Variants in SORCS1 observed in about 807,000 individuals in gnomAD.
SORCS1 encodes VPS10 domain-containing receptor SorCS1.
SORCS1 carries 60 observed loss-of-function variants against 146.1 expected under a neutral mutation model. The observed-to-expected ratio is 0.41, with a 90% confidence interval of 0.33 to 0.51. SORCS1 has a LOEUF of 0.51. Ranked by LOEUF, SORCS1 falls within the 20% of genes least tolerant of loss-of-function variation. The pLI, the probability that SORCS1 is intolerant of heterozygous loss-of-function variation, is 0.21. For missense variants in SORCS1, 1,352 were observed against 1,487.6 expected (o/e 0.91, Z 1.50); for synonymous variants, 637 against 584.0 (o/e 1.09, Z -1.31).
chr10:106,801,118 A>G (rs1946846066), intron 3 of SORCS1, among the ~76,000 whole-genome samples: 1 of 152,170 alleles, frequency 6.6e-6, no homozygotes, highest in African/African-American at 2.4e-5. Flanking sequence ...GACAAACAAA[A>G]TATTTTCTTA....
chr10:107,100,981 A>T (rs112189595), intron 1 of SORCS1, among the ~76,000 whole-genome samples: 3 of 152,296 alleles, frequency 2.0e-5, no homozygotes, highest in African/African-American at 7.2e-5. Context: ...TATAACTTGG[A>T]ACTCCTGGAC....
At chr10:106,924,949 T>G (rs2138471958) in intron 2 of SORCS1, among the ~76,000 whole-genome samples, 1 of 152,278 alleles carries the variant, frequency 6.6e-6, no homozygotes, top group South Asian at 2.1e-4. Flanking sequence ...GACAATTCTT[T>G]TCCTCACTCA....
chr10:106,808,588 C>T (rs1032902550), intron 3 of SORCS1, among the ~76,000 whole-genome samples: 1 of 152,002 alleles, frequency 6.6e-6, no homozygotes, highest in South Asian at 2.1e-4. Flanking sequence ...CTGCAAGCTC[C>T]GCCTCCCGGG....
At chr10:107,154,351 C>T (rs1351905568) in intron 1 of SORCS1, among the ~76,000 whole-genome samples, 1 of 152,200 alleles carries the variant, frequency 6.6e-6, no homozygotes, top group East Asian at 1.9e-4. Flanking sequence ...ACAACATAGA[C>T]AAAAACTCTG....
chr10:106,579,589 G>T, intron 24 of SORCS1, 115 bp from the exon 25 acceptor site: 1 of 1,026,394 alleles, frequency 9.7e-7, no homozygotes, highest in South Asian at 1.5e-5. Flanking sequence ...AACCATGTGG[G>T]ATATACACAC....
intron 24 of SORCS1, among the ~76,000 whole-genome samples, chr10:106,596,542 C>A (rs1292970828): frequency 2.0e-5 from 3 of 152,118 alleles, no homozygotes; most frequent in East Asian, 3.9e-4. Context: ...CCCATCCTCA[C>A]CACCACCTTC....
intron 1 of SORCS1, among the ~76,000 whole-genome samples, chr10:107,066,392 G>A (rs1961860160): frequency 6.6e-6 from 1 of 152,254 alleles, no homozygotes; most frequent in East Asian, 1.9e-4. Flanking sequence ...AAATAAAAAT[G>A]TTTTTGAGTG....
Position 106,831,858 on chromosome 10 carries a change from G to T in SORCS1, c.627-2185C>A, listed in dbSNP as rs79616432. Reference sequence around the variant, plus strand: ...AAAGAACTATGAACCTTGAAAATGGGTAAGTTTAGAAAACAAAATTAGAAA... The same window carrying T: ...AAAGAACTATGAACCTTGAAAATGGTTAAGTTTAGAAAACAAAATTAGAAA... On this transcript the variant is annotated intron_variant, in intron 2 of 25. Transcript: ENST00000263054. 3.9e-5 allele frequency among the ~76,000 whole-genome samples: 6 copies of T among 152,276 alleles called. No individual in the cohort carries two copies. The East Asian group carries it at 1.2e-3, about 29-fold the overall frequency.
intron 24 of SORCS1, among the ~76,000 whole-genome samples, chr10:106,593,513 A>G (rs1369503845): frequency 2.6e-5 from 4 of 152,218 alleles, no homozygotes; most frequent in Admixed American, 1.3e-4. Context: ...TCCAAAACTC[A>G]GTTATTCCAT....
chr10:106,586,345 G>A (rs1021073027), intron 24 of SORCS1, among the ~76,000 whole-genome samples: 3 of 152,112 alleles, frequency 2.0e-5, no homozygotes, highest in African/African-American at 4.8e-5. Context: ...TGTCTAAAGG[G>A]TAGCTTGTCC....
At chr10:106,705,124 C>T (rs895167894) in intron 8 of SORCS1, among the ~76,000 whole-genome samples, 7 of 151,968 alleles carry the variant, frequency 4.6e-5, no homozygotes, top group African/African-American at 1.7e-4. Context: ...ACACTTAAGC[C>T]AAATCAAGAA....
At chr10:106,789,822 C>G (rs1041847946) in intron 3 of SORCS1, among the ~76,000 whole-genome samples, 1 of 152,222 alleles carries the variant, frequency 6.6e-6, no homozygotes, top group African/African-American at 2.4e-5. Flanking sequence ...CTCTAAAGAA[C>G]TGCCCAAGAT....
chr10:106,773,821 C>T (rs1860215210), intron 4 of SORCS1, among the ~76,000 whole-genome samples: 1 of 152,072 alleles, frequency 6.6e-6, no homozygotes, highest in African/African-American at 2.4e-5. Context: ...TGGTGGCACA[C>T]ACCTGTAATC....
chr10:106,641,042 C>G (rs978675109), intron 18 of SORCS1, among the ~76,000 whole-genome samples: 1 of 152,154 alleles, frequency 6.6e-6, no homozygotes, highest in Admixed American at 6.5e-5. Context: ...GATGGAAGTA[C>G]GACTGCTCCT....
chr10:106,913,653 T>C (rs1265861594), intron 2 of SORCS1, among the ~76,000 whole-genome samples: 1 of 152,160 alleles, frequency 6.6e-6, no homozygotes, highest in Non-Finnish European at 1.5e-5. Flanking sequence ...CTTCAACTCC[T>C]GCTGAGCTTT....
At chr10:106,937,893 G>A (rs1953828106) in intron 2 of SORCS1, among the ~76,000 whole-genome samples, 1 of 151,598 alleles carries the variant, frequency 6.6e-6, no homozygotes, top group Non-Finnish European at 1.5e-5. Context: ...GACCTCGGGA[G>A]GCGGAGGTTG....
intron 1 of SORCS1, among the ~76,000 whole-genome samples, chr10:107,038,291 A>C (rs1028190125): frequency 6.6e-6 from 1 of 151,798 alleles, no homozygotes; most frequent in East Asian, 1.9e-4. Flanking sequence ...TGTAGAAAAC[A>C]TGTAGGAAAA....
chr10:107,143,401 T>C (rs2485208), intron 1 of SORCS1, among the ~76,000 whole-genome samples: 92,688 of 152,018 alleles, frequency 0.61, 28,799 homozygotes, highest in African/African-American at 0.73. Flanking sequence ...GATGTTGGCT[T>C]GCTGCAACTT....
intron 1 of SORCS1, among the ~76,000 whole-genome samples, chr10:107,130,424 TTAAA>T (rs1432361683): frequency 3.3e-5 from 5 of 152,346 alleles, no homozygotes; most frequent in Admixed American, 3.3e-4. Context: ...GTAACAGATG[TTAAA>T]TAATTTTGAG....
Sources: gnomAD v4.1 joint callset for allele counts (sites outside exome capture counted in the v4.1 genomes callset) on GRCh38, gnomAD v4.1.1 for gene constraint, MANE v1.5 for transcripts, NCBI Gene and HGNC (gene_info 2026-07-23, HGNC 2026-07-21) for gene names.